The following ANAPC10 variants were observed in gnomAD, a reference collection of about 807,000 sequenced individuals.
ANAPC10 encodes the protein anaphase-promoting complex subunit 10.
A neutral mutation model predicts 22.0 loss-of-function variants in ANAPC10; 12 were observed. The ratio of observed to expected loss-of-function variants is 0.55; its 90% CI spans 0.35 to 0.88. The LOEUF is 0.88. Ranked by LOEUF, ANAPC10 falls within the 40% of genes least tolerant of loss-of-function variation. The pLI, the probability that ANAPC10 is intolerant of heterozygous loss-of-function variation, is 0.01. For synonymous variants in ANAPC10, 65 were observed against 69.5 expected, an observed-to-expected ratio of 0.94 and a Z score of 0.32; for missense variants, 188 against 220.9, an observed-to-expected ratio of 0.85 and a Z score of 0.94.
At chr4:145,011,336 A>AAAAATAAAATAAAATAAAAT (rs70956822) in intron 4 of ANAPC10, among the ~76,000 whole-genome samples, 7,886 of 130,002 alleles carry the variant, frequency 0.061, 444 homozygotes, top group Non-Finnish European at 0.08. Flanking sequence ...GACTGTCTTA[A>AAAAATAAAATAAAATAAAAT]AAAATAAAAT....
chr4:145,021,986 G>T (rs976860587), intron 4 of ANAPC10, among the ~76,000 whole-genome samples: 2 of 152,098 alleles, frequency 1.3e-5, no homozygotes, highest in Non-Finnish European at 2.9e-5. Context: ...TACTTCTGCA[G>T]GAATGGCCAT....
intron 1 of ANAPC10, 32 bp from the exon 2 acceptor site, chr4:145,096,143 T>C (rs751664837): frequency 1.9e-6 from 3 of 1,597,994 alleles, no homozygotes; most frequent in Non-Finnish European, 2.6e-6. Flanking sequence ...ACACATTGTA[T>C]CAGGAACTGG....
At chr4:145,072,761 C>T (rs908707030) in intron 3 of ANAPC10, among the ~76,000 whole-genome samples, 1 of 152,156 alleles carries the variant, frequency 6.6e-6, no homozygotes, top group African/African-American at 2.4e-5. Flanking sequence ...AAATATTTAA[C>T]ATTTCCTTTT....
intron 2 of ANAPC10, among the ~76,000 whole-genome samples, chr4:145,090,954 C>T (rs1002143502): frequency 5.9e-5 from 9 of 152,186 alleles, no homozygotes; most frequent in Middle Eastern, 3.4e-3. Flanking sequence ...AAATATCTGA[C>T]CCTAGAGAAG....
chr4:145,087,936 T>C (rs781530475), intron 2 of ANAPC10, among the ~76,000 whole-genome samples: 20 of 152,016 alleles, frequency 1.3e-4, no homozygotes, highest in Admixed American at 7.9e-4. Context: ...TAATCTTAGC[T>C]ACCTGGGAGG....
At chr4:145,049,120 C>CA (rs959349014) in intron 4 of ANAPC10, among the ~76,000 whole-genome samples, 2 of 152,100 alleles carry the variant, frequency 1.3e-5, no homozygotes, top group African/African-American at 2.4e-5. Context: ...CATATCCTCA[C>CA]AAAAAAATAT....
chr4:145,073,147 G>C lies in ANAPC10; in HGVS notation c.207-8455C>G, dbSNP rs146302065. ...GGCTTTAAACAATCCTCCTACCTCA[G>C]CCTCCCAAAGTGTTGGGATTATAGG... On this transcript the variant is annotated intron_variant, in intron 3 of 4. Coordinates refer to ENST00000507656, the MANE Select transcript of ANAPC10 (RefSeq NM_001256706.2). Among the ~76,000 whole-genome samples, 927 of 152,218 alleles carry C rather than the reference G, an allele frequency of 6.1e-3. 11 individuals are homozygous for C. The highest frequency in any genetic ancestry group is 0.022 in the African/African-American group (901 of 41,530).
intron 4 of ANAPC10, among the ~76,000 whole-genome samples, chr4:145,046,663 T>C (rs960526403): frequency 6.6e-6 from 1 of 152,062 alleles, no homozygotes; most frequent in African/African-American, 2.4e-5. Context: ...AATCTGTATA[T>C]CTACTCGAAT....
At chr4:145,020,385 C>T (rs547505865) in intron 4 of ANAPC10, among the ~76,000 whole-genome samples, 1 of 152,218 alleles carries the variant, frequency 6.6e-6, no homozygotes, top group Admixed American at 6.5e-5. Flanking sequence ...ATCCAGCATC[C>T]CTTTATGATT....
intron 4 of ANAPC10, among the ~76,000 whole-genome samples, chr4:145,004,323 A>G (rs957733033): frequency 1.5e-4 from 23 of 151,966 alleles, no homozygotes. Flanking sequence ...TCCTATTTGG[A>G]TGTCTTTATT....
intron 2 of ANAPC10, among the ~76,000 whole-genome samples, chr4:145,090,814 T>C (rs979688904): frequency 1.3e-5 from 2 of 152,230 alleles, no homozygotes. Context: ...TATGTAGTAA[T>C]AGTTTAAAGC....
intron 3 of ANAPC10, among the ~76,000 whole-genome samples, chr4:145,069,334 A>C (rs767678902): frequency 6.6e-6 from 1 of 152,218 alleles, no homozygotes; most frequent in Admixed American, 6.5e-5. Flanking sequence ...ATTGATAAGG[A>C]ATAAGCTACA....
chr4:145,039,340 A>C (rs190188161), intron 4 of ANAPC10, among the ~76,000 whole-genome samples: 175 of 152,352 alleles, frequency 1.1e-3, no homozygotes, highest in African/African-American at 3.9e-3. Flanking sequence ...AATATAATCT[A>C]AATATGCTTT....
In ANAPC10 at chr4:145,012,189, T is replaced by TAC. The variant is rs1385108634; in HGVS notation, c.328-16587_328-16586insGT. 3.4e-5 allele frequency among the ~76,000 whole-genome samples: 5 copies of TAC among 148,128 alleles called. No individual in the cohort carries two copies. The East Asian group carries it at 8.0e-4, about 24-fold the overall frequency. On this transcript the variant is annotated intron_variant, in intron 4 of 4. Coordinates refer to ENST00000507656, the MANE Select transcript of ANAPC10 (RefSeq NM_001256706.2). ...ATGTGTGTGTGTGTATATATATATATATATATACACACACACATATATATA... is the reference window on the plus strand; with the variant it reads ...ATGTGTGTGTGTGTATATATATATATACATATATACACACACACATATATATA...
intron 4 of ANAPC10, among the ~76,000 whole-genome samples, chr4:145,039,365 T>G (rs976172886): frequency 6.6e-6 from 1 of 152,240 alleles, no homozygotes; most frequent in Admixed American, 6.5e-5. Context: ...AAATGTGGAA[T>G]TCTGAAAGAG....
chr4:145,067,265 A>G (rs1329094924), intron 3 of ANAPC10, among the ~76,000 whole-genome samples: 1 of 152,190 alleles, frequency 6.6e-6, no homozygotes, highest in Admixed American at 6.5e-5. Flanking sequence ...CAGTAGCTCA[A>G]ACTGCTCAAA....
intron 3 of ANAPC10, among the ~76,000 whole-genome samples, chr4:145,068,336 T>C (rs970722175): frequency 1.3e-5 from 2 of 152,166 alleles, no homozygotes; most frequent in Non-Finnish European, 2.9e-5. Context: ...AGAGCCAGAA[T>C]TTAATCCAGG....
At chr4:145,038,341 C>T (rs1738936983) in intron 4 of ANAPC10, among the ~76,000 whole-genome samples, 3 of 151,588 alleles carry the variant, frequency 2.0e-5, no homozygotes, top group Non-Finnish European at 2.9e-5. Context: ...GGCAAAACCC[C>T]GTCTCTATTA....
chr4:145,025,567 T>C (rs991788517), intron 4 of ANAPC10, among the ~76,000 whole-genome samples: 26 of 152,138 alleles, frequency 1.7e-4, no homozygotes, highest in African/African-American at 5.1e-4. Flanking sequence ...GGGTTTGCCA[T>C]CTTACATGGG....
Sources: allele counts gnomAD v4.1 joint callset (sites outside exome capture counted in the v4.1 genomes callset), GRCh38; gene constraint gnomAD v4.1.1; transcripts MANE v1.5; gene names NCBI Gene and HGNC (gene_info 2026-07-23, HGNC 2026-07-21).